TINAG: variants seen among roughly 807,000 people sequenced by gnomAD.
TINAG encodes the protein tubulointerstitial nephritis antigen.
TINAG carries 83 observed loss-of-function variants against 72.7 expected under a neutral mutation model. That is an observed-to-expected ratio of 1.14 (90% confidence interval 0.96 to 1.37). The LOEUF is 1.37. TINAG is among the 40% of genes most tolerant of loss of function. The probability of loss-of-function intolerance (pLI) is 0.00; values close to 1 mark genes in which losing one functional copy is unlikely to be tolerated. For synonymous variants in TINAG, 234 were observed against 189.9 expected (o/e 1.23, Z -1.91); for missense variants, 685 against 576.6 (o/e 1.19, Z -1.93).
rs1445916605 is a variant in TINAG, at chr6:54,343,332, G to T, written c.731G>T (p.Trp244Leu). The change falls in exon 5 of 11, where the codon TGG (tryptophan) becomes TTG (leucine). Residue 244 changes from tryptophan to leucine, a missense_variant. By Grantham distance (61) the Trp-to-Leu change is moderately conservative. Transcript: ENST00000259782. The stretch of plus-strand genomic sequence containing the variant: ...GATCAAAAAAATTGTGCTGCATCCT[G>T]GGCATTTTCCACTGCAAGTAATAAA... Reference protein sequence around the residue: ...PLDQKNCAASWAFSTASVAAD... With the variant: ...PLDQKNCAASLAFSTASVAAD... 2 of 1,551,266 alleles carry T rather than the reference G, an allele frequency of 1.3e-6. No individual in the cohort carries two copies. The highest frequency in any genetic ancestry group is 1.7e-6 in the Non-Finnish European group (2 of 1,146,224).
At chr6:54,345,533 G>GTGTTTTCTCTACACTATAAAA (rs1785100403) in intron 5 of TINAG, among the ~76,000 whole-genome samples, 2 of 152,040 alleles carry the variant, frequency 1.3e-5, no homozygotes, top group African/African-American at 4.8e-5. Context: ...CACTATAAAA[G>GTGTTTTCTCTACACTATAAAA]TATTTTCTGA....
intron 4 of TINAG, among the ~76,000 whole-genome samples, chr6:54,333,712 A>G (rs1784798338): frequency 6.6e-6 from 1 of 152,138 alleles, no homozygotes; most frequent in African/African-American, 2.4e-5. Flanking sequence ...AGAAATACAA[A>G]TTTCGGATTA....
At chr6:54,324,645 C>A (rs1784564760) in intron 3 of TINAG, among the ~76,000 whole-genome samples, 1 of 152,176 alleles carries the variant, frequency 6.6e-6, no homozygotes, top group Non-Finnish European at 1.5e-5. Context: ...TTAACTTCTA[C>A]CTATTCTTAG....
chr6:54,325,579 T>A (rs892260283), intron 3 of TINAG, among the ~76,000 whole-genome samples: 1 of 152,136 alleles, frequency 6.6e-6, no homozygotes, highest in Admixed American at 6.6e-5. Context: ...ACTCTACTAT[T>A]TCCTATTATT....
intron 1 of TINAG, among the ~76,000 whole-genome samples, chr6:54,317,620 ATGTCTTTATTAGCAGTGTGAGAAC>A (rs1784403042): frequency 6.6e-6 from 1 of 152,144 alleles, no homozygotes; most frequent in South Asian, 2.1e-4. Context: ...AGTCTTGGGT[ATGTCTTTATTAGCAGTGTGAGAAC>A]AGGCTAATAC....
At chr6:54,319,923 TG>T (rs913402777) in intron 1 of TINAG, among the ~76,000 whole-genome samples, 27 of 152,152 alleles carry the variant, frequency 1.8e-4, no homozygotes, top group African/African-American at 6.3e-4. Flanking sequence ...ATGTTACTAG[TG>T]GTTTTTATAT....
At chr6:54,370,780 T>C (rs1184790865) in intron 9 of TINAG, among the ~76,000 whole-genome samples, 1 of 152,022 alleles carries the variant, frequency 6.6e-6, no homozygotes, top group Non-Finnish European at 1.5e-5. Flanking sequence ...CTTTATTTTT[T>C]TTCTGTTTTC....
intron 5 of TINAG, among the ~76,000 whole-genome samples, chr6:54,346,695 A>C (rs528045497): frequency 1.7e-4 from 26 of 152,026 alleles, no homozygotes; most frequent in African/African-American, 6.3e-4. Context: ...GCTGAATTCC[A>C]TGTCTACTAA....
chr6:54,327,282 T>A, intron 4 of TINAG: 2 of 1,219,758 alleles, frequency 1.6e-6, no homozygotes, highest in Non-Finnish European at 2.2e-6. Context: ...GGTTAGACAG[T>A]GGGTGCAGCC....
intron 9 of TINAG, among the ~76,000 whole-genome samples, chr6:54,378,670 T>C (rs1763856760): frequency 6.6e-6 from 1 of 152,148 alleles, no homozygotes; most frequent in Non-Finnish European, 1.5e-5. Context: ...TCAGTAATAC[T>C]AAAATAATAA....
At chr6:54,309,048 G>C in intron 1 of TINAG, 143 bp downstream of exon 1, 1 of 900,636 alleles carries the variant, frequency 1.1e-6, no homozygotes, top group Non-Finnish European at 1.6e-6. Context: ...ACATTTCTTT[G>C]GATTGTTAAA....
At chr6:54,362,116 C>T (rs896404996) in intron 9 of TINAG, among the ~76,000 whole-genome samples, 4 of 151,590 alleles carry the variant, frequency 2.6e-5, no homozygotes, top group Non-Finnish European at 5.9e-5. Context: ...GAAGATCTAA[C>T]TAAGATAATT....
rs544890488 is a variant in TINAG at position 54,360,211 on chromosome 6, A to G, written c.1250+5575A>G. 1.1e-3 allele frequency among the ~76,000 whole-genome samples: 163 copies of G among 150,306 alleles called. 1 individual carries two copies. The highest frequency in any genetic ancestry group is 3.6e-3 in the African/African-American group (149 of 41,078). On this transcript the variant is annotated intron_variant, in intron 9 of 10. Coordinates refer to ENST00000259782, the MANE Select transcript of TINAG (RefSeq NM_014464.4). ...GTAGATACAAACCTGTAACACATAT[A>G]TTTGCTCCTAGTAGCCTTATTTCCC...
At chr6:54,308,052 T>C (rs1784151915), upstream of TINAG, 2 of 1,549,906 alleles carry the variant, frequency 1.3e-6, no homozygotes, top group East Asian at 4.9e-5. Context: ...TGACAGATCC[T>C]AGCAGGCAAC....
At chr6:54,336,846 G>A (rs79987785) in intron 4 of TINAG, among the ~76,000 whole-genome samples, 2,069 of 151,754 alleles carry the variant, frequency 0.014, 54 homozygotes, top group African/African-American at 0.048. Flanking sequence ...ATCAGATTGC[G>A]GTAAGTAAAA....
chr6:54,326,949 G>T, intron 4 of TINAG, 33 bp downstream of exon 4: 9 of 1,612,576 alleles, frequency 5.6e-6, no homozygotes, highest in Non-Finnish European at 7.6e-6. Context: ...GTATGTGCAT[G>T]TATTTGTAAA....
chr6:54,352,167 C>T (rs752439958), intron 8 of TINAG, among the ~76,000 whole-genome samples: 7 of 151,466 alleles, frequency 4.6e-5, no homozygotes. Flanking sequence ...TACTGAAGGG[C>T]CCGGAATATA....
intron 9 of TINAG, among the ~76,000 whole-genome samples, chr6:54,375,270 A>T (rs1175302581): frequency 1.3e-5 from 2 of 152,134 alleles, no homozygotes; most frequent in Non-Finnish European, 2.9e-5. Flanking sequence ...TCTTTTGGAA[A>T]TTAGTTTTTC....
chr6:54,313,155 C>T (rs1784296604), intron 1 of TINAG, among the ~76,000 whole-genome samples: 1 of 152,020 alleles, frequency 6.6e-6, no homozygotes, highest in Admixed American at 6.6e-5. Flanking sequence ...TTAAAATTAG[C>T]ATCTTAAACA....
Sources: gnomAD v4.1 joint callset for allele counts (sites outside exome capture counted in the v4.1 genomes callset) on GRCh38, gnomAD v4.1.1 for gene constraint, MANE v1.5 for transcripts, NCBI Gene and HGNC (gene_info 2026-07-23, HGNC 2026-07-21) for gene names.